Variants in BMERB1 observed in about 807,000 individuals in gnomAD.
The protein encoded by BMERB1 is bMERB domain-containing protein 1.
In BMERB1, 12 loss-of-function variants were observed where a neutral mutation model predicts 23.6. The observed-to-expected ratio is 0.51, with a 90% CI of 0.33 to 0.82. The LOEUF (loss-of-function observed/expected upper bound fraction) is 0.82, where lower values mean the gene tolerates loss of function less well. Ranked by LOEUF, BMERB1 falls within the 40% of genes least tolerant of loss-of-function variation. BMERB1 has a pLI of 0.03. For synonymous variants in BMERB1, 122 were observed against 96.6 expected (o/e 1.26, Z -1.54); for missense variants, 247 against 255.4 (o/e 0.97, Z 0.22).
intron 5 of BMERB1, among the ~76,000 whole-genome samples, chr16:15,585,816 G>A (rs923174495): frequency 3.3e-5 from 5 of 152,004 alleles, no homozygotes; most frequent in Non-Finnish European, 4.4e-5. Context: ...GTGACAGAGC[G>A]AGACTCCATC....
intron 1 of BMERB1, among the ~76,000 whole-genome samples, chr16:15,465,101 G>T (rs1293096474): frequency 6.6e-6 from 1 of 151,944 alleles, no homozygotes; most frequent in Non-Finnish European, 1.5e-5. Context: ...TGATAAAATT[G>T]CACAGAACCA....
At chr16:15,443,933 G>T (rs2050963606) in intron 1 of BMERB1, among the ~76,000 whole-genome samples, 1 of 151,648 alleles carries the variant, frequency 6.6e-6, no homozygotes, top group East Asian at 1.9e-4. Flanking sequence ...AAAAAAGTGT[G>T]AAATTAGGAA....
chr16:15,503,142 T>C (rs2051547754), intron 1 of BMERB1, among the ~76,000 whole-genome samples: 1 of 152,204 alleles, frequency 6.6e-6, no homozygotes, highest in Admixed American at 6.5e-5. Flanking sequence ...AGTATTATGC[T>C]GAATCTGTGT....
intron 1 of BMERB1, among the ~76,000 whole-genome samples, chr16:15,491,913 T>A (rs2051424589): frequency 2.0e-5 from 3 of 152,178 alleles, no homozygotes; most frequent in African/African-American, 4.8e-5. Flanking sequence ...AATGATGTTG[T>A]TTGTTTATCT....
chr16:15,478,435 A>G lies in BMERB1; in HGVS notation c.107-36870A>G, dbSNP rs536058406. 2.0e-5 allele frequency among the ~76,000 whole-genome samples: 3 copies of G among 152,288 alleles called. No individual in the cohort carries two copies. The South Asian group carries it at 6.2e-4, about 32-fold the overall frequency. Reference sequence around the variant, plus strand: ...CTCAGCCTCCCAAAGTGTTGGGATTACAGATGTGAGCCACCACGCCTGGCC... The same window carrying G: ...CTCAGCCTCCCAAAGTGTTGGGATTGCAGATGTGAGCCACCACGCCTGGCC... On this transcript the variant is annotated intron_variant, in intron 1 of 5. Coordinates refer to ENST00000300006, the MANE Select transcript of BMERB1 (RefSeq NM_033201.3).
chr16:15,562,140 C>T (rs1385739835), intron 2 of BMERB1, among the ~76,000 whole-genome samples: 1 of 135,682 alleles, frequency 7.4e-6, no homozygotes, highest in Non-Finnish European at 1.6e-5. Context: ...AAATCTCGTC[C>T]AAAAAAAAAA....
chr16:15,484,860 C>G (rs148177958), intron 1 of BMERB1, among the ~76,000 whole-genome samples: 2 of 152,308 alleles, frequency 1.3e-5, no homozygotes, highest in Non-Finnish European at 2.9e-5. Flanking sequence ...AAACCACTTA[C>G]CCATTGACCC....
intron 1 of BMERB1, among the ~76,000 whole-genome samples, chr16:15,491,804 G>A (rs1210745070): frequency 6.6e-6 from 1 of 152,136 alleles, no homozygotes; most frequent in African/African-American, 2.4e-5. Flanking sequence ...CTTTCTCATA[G>A]AGGTCTTCTG....
At chr16:15,458,586 G>T (rs1411023759) in intron 1 of BMERB1, among the ~76,000 whole-genome samples, 1 of 151,758 alleles carries the variant, frequency 6.6e-6, no homozygotes, top group Non-Finnish European at 1.5e-5. Flanking sequence ...GTATGGTGGT[G>T]CACACCTGTA....
At chr16:15,530,679 G>A (rs1432668474) in intron 2 of BMERB1, among the ~76,000 whole-genome samples, 14 of 152,064 alleles carry the variant, frequency 9.2e-5, no homozygotes, top group African/African-American at 1.2e-4. Flanking sequence ...AGAGGGACCC[G>A]GTGGAAGGTA....
intron 1 of BMERB1, among the ~76,000 whole-genome samples, chr16:15,481,249 G>A (rs889470229): frequency 3.9e-5 from 6 of 151,972 alleles, no homozygotes; most frequent in African/African-American, 7.2e-5. Context: ...AAACTCAGCC[G>A]GGCACAGTGG....
intron 1 of BMERB1, among the ~76,000 whole-genome samples, chr16:15,492,327 C>A (rs2051428843): frequency 6.6e-6 from 1 of 152,232 alleles, no homozygotes; most frequent in Admixed American, 6.5e-5. Flanking sequence ...CCAGTTCTAG[C>A]TGAGACACAC....
chr16:15,583,597 AAG>A (rs1491058991), intron 5 of BMERB1, among the ~76,000 whole-genome samples: 2 of 151,422 alleles, frequency 1.3e-5, no homozygotes, highest in Admixed American at 6.6e-5. Context: ...AAAAAAAAAA[AAG>A]GCCATTTCAG....
intron 1 of BMERB1, among the ~76,000 whole-genome samples, chr16:15,470,777 G>A (rs2078816850): frequency 1.4e-5 from 2 of 147,702 alleles, no homozygotes; most frequent in South Asian, 2.1e-4. Context: ...GCCCACTTTG[G>A]CCTCCCAAAG....
intron 1 of BMERB1, among the ~76,000 whole-genome samples, chr16:15,491,909 GTTGT>G (rs1315603724): frequency 1.3e-5 from 2 of 152,178 alleles, no homozygotes; most frequent in Non-Finnish European, 2.9e-5. Flanking sequence ...CCTAAATGAT[GTTGT>G]TTGTTTATCT....
intron 2 of BMERB1, among the ~76,000 whole-genome samples, chr16:15,539,703 C>CGTG (rs2052059937): frequency 6.6e-6 from 1 of 151,804 alleles, no homozygotes; most frequent in Non-Finnish European, 1.5e-5. Context: ...ATTAGCTGGG[C>CGTG]GTGGTGGTGC....
At chr16:15,512,083 A>G (rs2051674740) in intron 1 of BMERB1, among the ~76,000 whole-genome samples, 1 of 151,634 alleles carries the variant, frequency 6.6e-6, no homozygotes, top group East Asian at 1.9e-4. Context: ...ATTCATTTCA[A>G]TGTGAGAATC....
chr16:15,585,477 C>T (rs984758394), intron 5 of BMERB1, among the ~76,000 whole-genome samples: 6 of 152,076 alleles, frequency 3.9e-5, no homozygotes, highest in Admixed American at 1.3e-4. Context: ...CTTCTGGATC[C>T]CATGGTATAC....
intron 1 of BMERB1, among the ~76,000 whole-genome samples, chr16:15,436,746 G>T (rs191182792): frequency 8.4e-4 from 128 of 151,808 alleles, no homozygotes; most frequent in Admixed American, 2.6e-3. Context: ...CTCCATGAGG[G>T]TCTCTTGTTT....
Sources: allele counts gnomAD v4.1 joint callset (sites outside exome capture counted in the v4.1 genomes callset), GRCh38; gene constraint gnomAD v4.1.1; transcripts MANE v1.5; gene names NCBI Gene and HGNC (gene_info 2026-07-23, HGNC 2026-07-21).